UBR2: variants seen among roughly 807,000 people sequenced by gnomAD.
UBR2 encodes the protein E3 ubiquitin-protein ligase UBR2.
In UBR2, 92 loss-of-function variants were observed where a neutral mutation model predicts 247.9. The observed-to-expected ratio is 0.37, with a 90% CI of 0.31 to 0.44. UBR2 has a LOEUF of 0.44. Ranked by LOEUF, UBR2 falls within the 20% of genes least tolerant of loss-of-function variation. The probability of loss-of-function intolerance (pLI) is 1.00; values close to 1 mark genes in which losing one functional copy is unlikely to be tolerated. For missense variants in UBR2, 1,613 were observed against 2,112.6 expected, an observed-to-expected ratio of 0.76 and a Z score of 4.64; for synonymous variants, 672 against 693.5, an observed-to-expected ratio of 0.97 and a Z score of 0.49.
At position 42,642,444 on chromosome 6, in the gene UBR2, G is replaced by C; in HGVS notation, c.2060G>C (p.Arg687Thr). 2 of 1,610,822 alleles carry C rather than the reference G, an allele frequency of 1.2e-6. No homozygotes were observed. The highest frequency in any genetic ancestry group is 1.7e-6 in the Non-Finnish European group (2 of 1,177,712). The change falls in exon 18 of 47, where the codon AGA becomes ACA. Residue 687 changes from arginine to threonine, a missense_variant. Arg to Thr is a moderately conservative substitution (Grantham distance 71, BLOSUM62 -1). This residue lies in a region of UBR2 where 1,524 missense variants were observed against 1,967.3 expected (regional missense o/e 0.77). Transcript: ENST00000372901. ...TATTACTACCATAATGTGAAATGCAGACGTGAGATGTTTGACAAGGATGTA... is the reference window on the plus strand; with the variant it reads ...TATTACTACCATAATGTGAAATGCACACGTGAGATGTTTGACAAGGATGTA... ...QIYYYHNVKC[R>T]REMFDKDVVM...
intron 45 of UBR2, among the ~76,000 whole-genome samples, chr6:42,688,681 TC>T (rs1309906726): frequency 2.0e-5 from 3 of 152,232 alleles, no homozygotes; most frequent in Non-Finnish European, 4.4e-5. Flanking sequence ...TCTGAACAAA[TC>T]CAGTCAGAAT....
At chr6:42,588,396 A>G (rs1792433064) in intron 2 of UBR2, among the ~76,000 whole-genome samples, 1 of 152,190 alleles carries the variant, frequency 6.6e-6, no homozygotes, top group Non-Finnish European at 1.5e-5. Context: ...GGGGCCAGGC[A>G]TGGTGGCTCA....
At chr6:42,652,139 C>G (rs902037871) in intron 24 of UBR2, 68 bp downstream of exon 24, 6 of 1,403,126 alleles carry the variant, frequency 4.3e-6, no homozygotes, top group Non-Finnish European at 4.9e-6. Context: ...TTTCTGTTAA[C>G]TATGATGATT....
intron 38 of UBR2, among the ~76,000 whole-genome samples, chr6:42,675,498 T>C (rs1206054140): frequency 1.3e-5 from 2 of 152,198 alleles, no homozygotes; most frequent in African/African-American, 2.4e-5. Context: ...ATAAGCTATG[T>C]ATAGAGGACC....
intron 14 of UBR2, 38 bp from the exon 15 acceptor site, chr6:42,636,973 A>G (rs1013227286): frequency 2.5e-6 from 4 of 1,589,450 alleles, no homozygotes; most frequent in Admixed American, 1.7e-5. Flanking sequence ...TAAAAACTCA[A>G]CCTTTTGAGT....
chr6:42,681,044 T>C (rs1799012688), intron 42 of UBR2, among the ~76,000 whole-genome samples: 1 of 151,114 alleles, frequency 6.6e-6, no homozygotes, highest in South Asian at 2.1e-4. Context: ...GTGCCTGTAA[T>C]CCCAGCTACT....
intron 43 of UBR2, 38 bp downstream of exon 43, chr6:42,683,149 A>G (rs572019242): frequency 6.4e-6 from 10 of 1,552,502 alleles, no homozygotes; most frequent in Non-Finnish European, 8.9e-6. Flanking sequence ...TTGAGGTGGG[A>G]GAAAGGGTGG....
intron 13 of UBR2, chr6:42,634,390 C>G (rs1795951154): frequency 4.9e-6 from 1 of 206,146 alleles, no homozygotes; most frequent in Non-Finnish European, 1.0e-5. Flanking sequence ...ACCTGGCTTT[C>G]TTAAGAAAAG....
At chr6:42,586,583 A>C (rs930011721) in intron 2 of UBR2, among the ~76,000 whole-genome samples, 1 of 123,342 alleles carries the variant, frequency 8.1e-6, no homozygotes, top group Non-Finnish European at 1.6e-5. Context: ...AATTTTCCTA[A>C]CTGTGTGCTG....
At chr6:42,637,242 G>C in intron 15 of UBR2, 48 bp downstream of exon 15, 1 of 1,560,022 alleles carries the variant, frequency 6.4e-7, no homozygotes, top group Non-Finnish European at 8.7e-7. Context: ...CTTTTAAATT[G>C]TTGTTTGTGG....
intron 45 of UBR2, among the ~76,000 whole-genome samples, chr6:42,688,883 C>CT (rs1562409628): frequency 6.6e-6 from 1 of 152,070 alleles, no homozygotes; most frequent in Non-Finnish European, 1.5e-5. Flanking sequence ...ACAAGCAAGA[C>CT]TGACAAGAAT....
chr6:42,571,242 C>CAAAAAA (rs774925925), intron 1 of UBR2, among the ~76,000 whole-genome samples: 6 of 39,130 alleles, frequency 1.5e-4, no homozygotes, highest in Non-Finnish European at 2.4e-4. Flanking sequence ...GACTCCGTCT[C>CAAAAAA]AAAAAAAAAA....
rs148521882 is a variant in UBR2 at position 42,641,614 on chromosome 6, C to A, written c.1953C>A (p.His651Gln). The change falls in exon 17 of 47, where the codon CAC becomes CAA. Residue 651 changes from histidine to glutamine, a missense_variant. Around this residue, in one of 3 missense-constraint regions of UBR2, gnomAD observed 1,524 missense variants for 1,967.3 expected, o/e 0.77. Coordinates refer to ENST00000372901, the MANE Select transcript of UBR2 (RefSeq NM_001363705.2). The stretch of plus-strand genomic sequence containing the variant: ...TTAGCCCACCCATGTTGATAGAACA[C>A]CCTCTTAGATGTCTTGTTCTGTGTG... ...SELSPPMLIE[H>Q]PLRCLVLCAQ... is the part of the protein sequence containing the mutation. 2,587 of 1,598,674 alleles carry A rather than the reference C, an allele frequency of 1.6e-3. 2 individuals carry two copies. The highest frequency in any genetic ancestry group is 2.1e-3 in the Non-Finnish European group (2,430 of 1,175,248).
chr6:42,617,143 G>T, intron 10 of UBR2: 4 of 1,031,754 alleles, frequency 3.9e-6, no homozygotes, highest in Non-Finnish European at 4.5e-6. Context: ...TCATAGCAGT[G>T]TTATCTTCTT....
intron 9 of UBR2, 36 bp from the exon 10 acceptor site, chr6:42,615,966 G>A (rs369850981): frequency 6.9e-5 from 96 of 1,391,382 alleles, no homozygotes; most frequent in Middle Eastern, 1.8e-4. Context: ...ATTGTTGGGC[G>A]TGTCCTTATC....
intron 36 of UBR2, among the ~76,000 whole-genome samples, chr6:42,671,446 T>C (rs1056656127): frequency 6.6e-6 from 1 of 151,742 alleles, no homozygotes; most frequent in Non-Finnish European, 1.5e-5. Context: ...AGCAGAAGAA[T>C]GTATATTCTA....
intron 13 of UBR2, 54 bp downstream of exon 13, chr6:42,632,958 C>CA: frequency 3.1e-5 from 20 of 645,524 alleles, no homozygotes; most frequent in Non-Finnish European, 4.3e-5. Flanking sequence ...TCTCTTTTCT[C>CA]TTTTTTTTTT....
intron 22 of UBR2, among the ~76,000 whole-genome samples, chr6:42,648,480 TA>T (rs1796916155): frequency 6.6e-6 from 1 of 152,184 alleles, no homozygotes; most frequent in African/African-American, 2.4e-5. Flanking sequence ...TGTAATTTCT[TA>T]AAACTGTTTT....
intron 13 of UBR2, 147 bp from the exon 14 acceptor site, chr6:42,635,271 C>T (rs974547011): frequency 4.4e-6 from 3 of 685,408 alleles, no homozygotes; most frequent in Admixed American, 6.4e-5. Flanking sequence ...GCTATTATTT[C>T]TCATAGTACT....
Sources: allele counts gnomAD v4.1 joint callset (sites outside exome capture counted in the v4.1 genomes callset), GRCh38; gene constraint gnomAD v4.1.1; regional missense constraint gnomAD v4.1.1; transcripts MANE v1.5; gene names NCBI Gene and HGNC (gene_info 2026-07-23, HGNC 2026-07-21).